BICD2: variants seen among roughly 807,000 people sequenced by gnomAD.
BICD2 encodes protein bicaudal D homolog 2.
A neutral mutation model predicts 72.9 loss-of-function variants in BICD2; 25 were observed. That is an observed-to-expected ratio of 0.34 (90% confidence interval 0.25 to 0.48). The LOEUF is 0.48. Ranked by LOEUF, BICD2 falls within the 20% of genes least tolerant of loss-of-function variation. The pLI is 0.99. For missense variants in BICD2, 894 were observed against 1,175.2 expected, an observed-to-expected ratio of 0.76 and a Z score of 3.50; for synonymous variants, 501 against 516.1, an observed-to-expected ratio of 0.97 and a Z score of 0.40.
chr9:92,732,099 C>T (rs139032536), intron 1 of BICD2, among the ~76,000 whole-genome samples: 101 of 152,280 alleles, frequency 6.6e-4, no homozygotes, highest in African/African-American at 2.4e-3. Flanking sequence ...CCGTCACTTA[C>T]CACTGAGCAG....
intron 1 of BICD2, among the ~76,000 whole-genome samples, chr9:92,732,057 C>A (rs1284503849): frequency 6.6e-6 from 1 of 152,248 alleles, no homozygotes; most frequent in Non-Finnish European, 1.5e-5. Flanking sequence ...AAACATCCAT[C>A]TCCCAACAGG....
At chr9:92,754,107 T>G (rs1433413301) in intron 1 of BICD2, among the ~76,000 whole-genome samples, 1 of 149,904 alleles carries the variant, frequency 6.7e-6, no homozygotes, top group Non-Finnish European at 1.5e-5. Flanking sequence ...ATCGCGCCAC[T>G]GCACTCCAGC....
chr9:92,758,551 C>CAAAAA (rs35074765), intron 1 of BICD2, among the ~76,000 whole-genome samples: 1 of 95,692 alleles, frequency 1.0e-5, no homozygotes, highest in Non-Finnish European at 1.9e-5. Flanking sequence ...GACTCCGTCT[C>CAAAAA]AAAAAAAAAA....
chr9:92,728,643 A>C (rs1206420145), intron 2 of BICD2, among the ~76,000 whole-genome samples: 2 of 152,322 alleles, frequency 1.3e-5, no homozygotes, highest in African/African-American at 4.8e-5. Flanking sequence ...GAGTGACACA[A>C]AACATTCCCA....
chr9:92,748,489 A>C (rs1322521480), intron 1 of BICD2, among the ~76,000 whole-genome samples: 1 of 152,120 alleles, frequency 6.6e-6, no homozygotes, highest in Non-Finnish European at 1.5e-5. Flanking sequence ...CCTGGGGTAC[A>C]AGCAGACTAG....
intron 1 of BICD2, among the ~76,000 whole-genome samples, chr9:92,731,513 T>C (rs1241979690): frequency 6.8e-6 from 1 of 148,128 alleles, no homozygotes; most frequent in Non-Finnish European, 1.5e-5. Flanking sequence ...CAGGCAATGA[T>C]AGAATATAAA....
rs1853441275 is a variant in BICD2 at position 92,720,516 on chromosome 9, G to A, written c.846C>T (p.Gly282=). The A allele has an allele frequency of 6.2e-7, 1 of 1,614,188 alleles. No individual in the cohort carries two copies. The highest frequency in any genetic ancestry group is 1.1e-5 in the South Asian group (1 of 91,080). ...CGGCAGCATCGTCACTGAACTTGAGGCCATCCAGCGAGACATGCAGGTGGC... is the reference window on the plus strand; with the variant it reads ...CGGCAGCATCGTCACTGAACTTGAGACCATCCAGCGAGACATGCAGGTGGC... ...YTSHLHVSLD[G]LKFSDDAAEP... The change falls in exon 4 of 7, where the codon GGC becomes GGT. Residue 282 remains glycine (G), a synonymous_variant. Coordinates refer to ENST00000356884, the MANE Select transcript of BICD2 (RefSeq NM_001003800.2). The surrounding 1 kb of genome is among the most constrained non-coding windows in gnomAD (Gnocchi z 5.4).
intron 2 of BICD2, among the ~76,000 whole-genome samples, chr9:92,727,889 C>T (rs1428796650): frequency 6.6e-6 from 1 of 152,192 alleles, no homozygotes; most frequent in Non-Finnish European, 1.5e-5. Flanking sequence ...GGGACAGGCA[C>T]GGGGTACTGC....
At chr9:92,721,246 T>C (rs1055355602) in intron 3 of BICD2, among the ~76,000 whole-genome samples, 1 of 152,218 alleles carries the variant, frequency 6.6e-6, no homozygotes, top group Non-Finnish European at 1.5e-5. Context: ...TAAAAATATA[T>C]TTCAATGTGT....
At chr9:92,719,981 G>C (rs1853425436) in intron 4 of BICD2, among the ~76,000 whole-genome samples, 1 of 152,212 alleles carries the variant, frequency 6.6e-6, no homozygotes, top group Admixed American at 6.5e-5. Context: ...CAGGGGATGA[G>C]CCCAAGCATG....
At chr9:92,733,431 G>T (rs1853715151) in intron 1 of BICD2, among the ~76,000 whole-genome samples, 1 of 151,862 alleles carries the variant, frequency 6.6e-6, no homozygotes, top group Non-Finnish European at 1.5e-5. Flanking sequence ...CCAGCTTCTT[G>T]GGAGGCTGAG....
chr9:92,729,817 T>TA (rs1853643738), intron 1 of BICD2, among the ~76,000 whole-genome samples: 1 of 152,202 alleles, frequency 6.6e-6, no homozygotes, highest in Non-Finnish European at 1.5e-5. Context: ...GAAGCCAAGA[T>TA]ACCAGCATGT....
At chr9:92,755,965 T>A (rs1249418433) in intron 1 of BICD2, among the ~76,000 whole-genome samples, 1 of 152,186 alleles carries the variant, frequency 6.6e-6, no homozygotes, top group East Asian at 1.9e-4. Context: ...AGAGACTGGC[T>A]CCAGGTCACA....
At chr9:92,734,840 T>C (rs1853748666) in intron 1 of BICD2, among the ~76,000 whole-genome samples, 1 of 152,026 alleles carries the variant, frequency 6.6e-6, no homozygotes, top group African/African-American at 2.4e-5. Context: ...CAGGATCCAG[T>C]CTGGGAAGGG....
intron 2 of BICD2, 110 bp from the exon 3 acceptor site, chr9:92,722,918 C>T: frequency 7.1e-7 from 1 of 1,400,542 alleles, no homozygotes; most frequent in Non-Finnish European, 9.8e-7. Context: ...CTCAAGAGCC[C>T]TGGCCTGCAG....
chr9:92,730,385 G>A (rs2131511559), intron 1 of BICD2, among the ~76,000 whole-genome samples: 1 of 152,284 alleles, frequency 6.6e-6, no homozygotes, highest in African/African-American at 2.4e-5. Flanking sequence ...AGAAAATAGG[G>A]AAAATGTAAA....
chr9:92,741,226 T>C (rs1853891710), intron 1 of BICD2, among the ~76,000 whole-genome samples: 1 of 152,190 alleles, frequency 6.6e-6, no homozygotes, highest in African/African-American at 2.4e-5. Context: ...GGGCAGGGAC[T>C]CATGGACCAA....
chr9:92,718,819 G>T lies in BICD2; in HGVS notation c.1826C>A (p.Pro609His). The T allele has an allele frequency of 6.2e-7, 1 of 1,612,756 alleles. No individual in the cohort carries two copies. The highest frequency in any genetic ancestry group is 8.5e-7 in the Non-Finnish European group (1 of 1,179,682). The change falls in exon 5 of 7, where the codon CCT becomes CAT. Residue 609 changes from proline (P) to histidine (H), a missense_variant. By Grantham distance (77) the Pro-to-His change is moderately conservative. Around this residue, in one of 5 missense-constraint regions of BICD2, gnomAD observed 321 missense variants for 443.9 expected, o/e 0.72. Coordinates refer to ENST00000356884, the MANE Select transcript of BICD2 (RefSeq NM_001003800.2). ...DGGTGDSSPSPGSSLPSPLSD... is the reference protein window; with the variant it reads ...DGGTGDSSPSHGSSLPSPLSD... ...CAGGGGTGATGGCAGTGAGGAGCCA[G>T]GCGAGGGGCTGCTGTCCCCCGTCCC...
chr9:92,714,274 T>C lies in BICD2; in HGVS notation c.*880A>G. 1 of 985,546 alleles carries C rather than the reference T, an allele frequency of 1.0e-6. No individual in the cohort carries two copies. The highest frequency in any genetic ancestry group is 1.2e-6 in the Non-Finnish European group (1 of 829,988). 61.1% of individuals were successfully genotyped at this position (985,546 alleles called of 1,614,324 possible). On this transcript the variant is annotated 3_prime_UTR_variant, in exon 7 of 7. Transcript: ENST00000356884. ...CTAGGGTTTTCAAAGCCCCATGTCT[T>C]TGGGACTGAACCCCCTATGGAAGGC...
Sources: gnomAD v4.1 joint callset for allele counts (sites outside exome capture counted in the v4.1 genomes callset) on GRCh38, gnomAD v4.1.1 for gene constraint, gnomAD v4.1.1 regional missense constraint, Gnocchi (gnomAD v3.1) non-coding constraint, MANE v1.5 for transcripts, NCBI Gene and HGNC (gene_info 2026-07-23, HGNC 2026-07-21) for gene names.